Variants in MPRIP observed in about 807,000 individuals in gnomAD.
The protein encoded by MPRIP is myosin phosphatase Rho-interacting protein.
Under a neutral mutation model 234.9 loss-of-function variants are expected in MPRIP, and 59 were observed. That is an observed-to-expected ratio of 0.25 (90% CI 0.20 to 0.31). The LOEUF is 0.31. Ranked by LOEUF, MPRIP falls within the 10% of genes least tolerant of loss-of-function variation. The pLI is 1.00. For synonymous variants in MPRIP, 1,144 were observed against 1,263.9 expected (o/e 0.91, Z 2.01); for missense variants, 2,436 against 3,071.0 (o/e 0.79, Z 4.89).
chr17:17,077,886 C>T, intron 2 of MPRIP, 125 bp from the exon 3 acceptor site: 1 of 905,188 alleles, frequency 1.1e-6, no homozygotes, highest in South Asian at 1.4e-5. Context: ...CCACCTGCCC[C>T]AGAAGTGGAA....
chr17:17,079,907 G>A (rs1025000076), intron 3 of MPRIP, among the ~76,000 whole-genome samples: 4 of 152,218 alleles, frequency 2.6e-5, no homozygotes, highest in African/African-American at 7.2e-5. Context: ...CAGGAGCACC[G>A]ACACTTCACA....
At chr17:17,112,730 G>A (rs1055444634) in intron 3 of MPRIP, among the ~76,000 whole-genome samples, 5 of 152,258 alleles carry the variant, frequency 3.3e-5, no homozygotes, top group Non-Finnish European at 7.3e-5. Context: ...CTGCAACTGG[G>A]CTGTGGGTTG....
At chr17:17,092,132 A>G (rs1026722009) in intron 3 of MPRIP, among the ~76,000 whole-genome samples, 1 of 152,176 alleles carries the variant, frequency 6.6e-6, no homozygotes, top group Non-Finnish European at 1.5e-5. Flanking sequence ...CGCTTCTTCC[A>G]CCATATTCCC....
chr17:17,146,749 T>C (rs954568519), intron 10 of MPRIP, among the ~76,000 whole-genome samples: 3 of 152,244 alleles, frequency 2.0e-5, no homozygotes, highest in Non-Finnish European at 4.4e-5. Context: ...ACTCCCTTCC[T>C]GCTTCCTGAG....
intron 3 of MPRIP, among the ~76,000 whole-genome samples, chr17:17,113,159 T>C (rs2090207976): frequency 6.6e-6 from 1 of 152,134 alleles, no homozygotes; most frequent in Non-Finnish European, 1.5e-5. Flanking sequence ...CTTCCACTGA[T>C]TGGTATCCCT....
At chr17:17,149,798 C>T (rs2144549705) in intron 11 of MPRIP, 1 of 149,742 alleles carries the variant, frequency 6.7e-6, no homozygotes, top group Non-Finnish European at 1.5e-5. Context: ...AAAATATTTA[C>T]ATTTTAATTT....
chr17:17,119,395 A>G (rs2090346624), intron 3 of MPRIP, among the ~76,000 whole-genome samples: 2 of 152,230 alleles, frequency 1.3e-5, no homozygotes, highest in South Asian at 4.1e-4. Context: ...TTCTCTGATA[A>G]ACTTAGGCAT....
chr17:17,138,329 C>T lies in MPRIP; in HGVS notation c.1150C>T (p.Arg384Ter). The T allele has an allele frequency of 2.6e-6, 1 of 379,128 alleles. No individual in the cohort carries two copies. The highest frequency in any genetic ancestry group is 4.7e-6 in the Non-Finnish European group (1 of 212,980). 23.5% of individuals were successfully genotyped at this position (379,128 alleles called of 1,614,324 possible). A position where few individuals can be genotyped will look rare whatever the true frequency, so the allele number is the denominator to read the frequency against. The change falls in exon 7 of 24, where the codon CGA (arginine) becomes TGA (stop). Residue 384 changes from arginine (R) to a stop codon, truncating the protein, a stop_gained. Transcript: ENST00000651222. LOFTEE classifies it high-confidence loss of function. This position sits in a 1 kb window ranked among gnomAD's most constrained non-coding sequence, Gnocchi z 5.8. ...DVPKAIRISH[R>*]EAFQVERRRL... ...CCCTAAGGCCATCAGGATCAGCCAC[C>T]GAGAAGCCTTCCAGGTGGAGAGAAG...
chr17:17,171,133 G>T (rs1355232977), intron 16 of MPRIP: 25 of 152,356 alleles, frequency 1.6e-4, no homozygotes, highest in Admixed American at 1.6e-3. Flanking sequence ...CTGGCTAGTG[G>T]CAGAGTCCCA....
intron 7 of MPRIP, chr17:17,142,364 C>T (rs982513927): frequency 1.0e-5 from 4 of 381,594 alleles, no homozygotes; most frequent in South Asian, 1.0e-4. Flanking sequence ...GTGTGAATGC[C>T]GAGTGGGTCA....
At chr17:17,104,308 A>G (rs926271638) in intron 3 of MPRIP, among the ~76,000 whole-genome samples, 1 of 152,196 alleles carries the variant, frequency 6.6e-6, no homozygotes, top group African/African-American at 2.4e-5. Flanking sequence ...CTGGATGTGC[A>G]TACAGCAGTG....
chr17:17,168,187 C>G, intron 16 of MPRIP: 1 of 315,056 alleles, frequency 3.2e-6, no homozygotes. Flanking sequence ...CAGCACTTCC[C>G]TGCCTGCCTA....
At chr17:17,157,104 T>C (rs2144588270) in intron 13 of MPRIP, among the ~76,000 whole-genome samples, 1 of 152,264 alleles carries the variant, frequency 6.6e-6, no homozygotes, top group South Asian at 2.1e-4. Context: ...CAGCTGGCAG[T>C]CTGTGGGGCC....
intron 4 of MPRIP, among the ~76,000 whole-genome samples, chr17:17,129,940 G>T (rs938655221): frequency 1.3e-5 from 2 of 152,208 alleles, no homozygotes; most frequent in Non-Finnish European, 1.5e-5. Flanking sequence ...GGTTGTATGA[G>T]CGAGGCCCTC....
Position 17,167,868 on chromosome 17 carries a change from G to C in MPRIP, c.6277G>C (p.Ala2093Pro), listed in dbSNP as rs1444897644. The change falls in exon 16 of 24, where the codon GCG becomes CCG. Residue 2093 changes from alanine to proline, a missense_variant. Around this residue, in one of 4 missense-constraint regions of MPRIP, gnomAD observed 1,998 missense variants for 2,520.3 expected, o/e 0.79. Transcript: ENST00000651222. This position sits in a 1 kb window ranked among gnomAD's most constrained non-coding sequence, Gnocchi z 5.9. ...ELGHKDLEGDAATLREKYQRD... is the reference protein window; with the variant it reads ...ELGHKDLEGDPATLREKYQRD... The stretch of plus-strand genomic sequence containing the variant: ...GGGACACAAGGACCTGGAGGGCGAC[G>C]CGGCCACACTGCGTGAGAAGTACCA... The C allele has an allele frequency of 7.7e-7, 1 of 1,304,006 alleles. No individual in the cohort carries two copies. The highest frequency in any genetic ancestry group is 1.5e-5 in the African/African-American group (1 of 65,886). 80.8% of individuals were successfully genotyped at this position (1,304,006 alleles called of 1,614,324 possible).
At chr17:17,137,805 A>T (rs2090733143) in intron 6 of MPRIP, 111 bp from the exon 7 acceptor site, 2 of 839,306 alleles carry the variant, frequency 2.4e-6, no homozygotes, top group Non-Finnish European at 1.8e-6. Flanking sequence ...TAGAGACGGG[A>T]GGTGGAGAAG....
chr17:17,168,671 T>C (rs578127725), intron 16 of MPRIP: 2 of 359,862 alleles, frequency 5.6e-6, no homozygotes, highest in South Asian at 4.1e-5. Flanking sequence ...ACACCCACCA[T>C]GTGTGGCTGT....
intron 3 of MPRIP, among the ~76,000 whole-genome samples, chr17:17,081,437 A>G (rs2089460288): frequency 5.9e-5 from 9 of 152,242 alleles, no homozygotes; most frequent in Admixed American, 5.9e-4. Flanking sequence ...AAAAGAGAGA[A>G]GATAGGAAAA....
At chr17:17,090,123 G>A (rs943168341) in intron 3 of MPRIP, among the ~76,000 whole-genome samples, 1 of 152,216 alleles carries the variant, frequency 6.6e-6, no homozygotes, top group African/African-American at 2.4e-5. Flanking sequence ...CGTGTGAGGT[G>A]CAGACAGGCA....
Sources: allele counts gnomAD v4.1 joint callset (sites outside exome capture counted in the v4.1 genomes callset), GRCh38; gene constraint gnomAD v4.1.1; regional missense constraint gnomAD v4.1.1; non-coding constraint Gnocchi (gnomAD v3.1); transcripts MANE v1.5; gene names NCBI Gene and HGNC (gene_info 2026-07-23, HGNC 2026-07-21).